MEGF10: variants seen among roughly 807,000 people sequenced by gnomAD.
MEGF10 encodes the protein multiple EGF like domains 10, also known as multiple epidermal growth factor-like domains protein 10.
In MEGF10, 86 loss-of-function variants were observed where a neutral mutation model predicts 147.5. That is an observed-to-expected ratio of 0.58 (90% CI 0.49 to 0.70). MEGF10 has a LOEUF of 0.70. Ranked by LOEUF, MEGF10 falls within the 30% of genes least tolerant of loss-of-function variation. The pLI is 0.00. For missense variants in MEGF10, 1,329 were observed against 1,487.3 expected (o/e 0.89, Z 1.75); for synonymous variants, 478 against 525.5 (o/e 0.91, Z 1.24).
At chr5:127,364,171 A>T (rs1361270840) in intron 4 of MEGF10, among the ~76,000 whole-genome samples, 2 of 152,214 alleles carry the variant, frequency 1.3e-5, no homozygotes, top group South Asian at 4.1e-4. Flanking sequence ...TGTACAATTC[A>T]ACCATTTTTA....
chr5:127,239,215 TC>T, the MEGF10 span, among the ~76,000 whole-genome samples: 1 of 151,914 alleles, frequency 6.6e-6, no homozygotes, highest in Admixed American at 6.6e-5. Flanking sequence ...ATTATTTGGA[TC>T]CTGGATCGGG....
chr5:127,271,154 G>T, the MEGF10 span, among the ~76,000 whole-genome samples: 1 of 152,114 alleles, frequency 6.6e-6, no homozygotes, highest in African/African-American at 2.4e-5. Flanking sequence ...TTCCACAATG[G>T]TTGAACTAAT....
At chr5:127,299,985 C>G (rs1254209431) in intron 1 of MEGF10, 2 of 152,086 alleles carry the variant, frequency 1.3e-5, no homozygotes, top group Admixed American at 1.3e-4. Context: ...GTCATTGTAC[C>G]TTGATTATAG....
At chr5:127,345,157 T>A (rs1047381067) in intron 4 of MEGF10, among the ~76,000 whole-genome samples, 2 of 152,226 alleles carry the variant, frequency 1.3e-5, no homozygotes, top group Non-Finnish European at 2.9e-5. Context: ...GGTCACTGAA[T>A]GGCTCTTCAT....
At position 127,438,586 on chromosome 5, in the gene MEGF10, G is replaced by T. The variant is rs1169438505; in HGVS notation, c.2233+19G>T. 6.2e-7 allele frequency: 1 copy of T among 1,612,668 alleles called. No homozygotes were observed. Among genetic ancestry groups the T allele is most frequent in the Non-Finnish European group, 8.5e-7 (1 of 1,179,284 alleles). On this transcript the variant is annotated intron_variant, in intron 17 of 24. Transcript: ENST00000503335. ...ACTCAGAGTAAGTGACAAGCCTTCT[G>T]AGGCTCACCAAGGGGAGCCTTGTCC...
At chr5:127,309,990 T>C (rs750496766) in intron 1 of MEGF10, among the ~76,000 whole-genome samples, 35 of 66,714 alleles carry the variant, frequency 5.2e-4, no homozygotes, top group African/African-American at 1.0e-3. Context: ...TCTTTCTTTC[T>C]TTCTTTCCTT....
At position 127,455,411 on chromosome 5, in the gene MEGF10, G is replaced by A; in HGVS notation, c.3036G>A (p.Lys1012=). The change falls in exon 24 of 25, where the codon AAG becomes AAA. Residue 1012 remains lysine (K), a synonymous_variant. Transcript: ENST00000503335. The part of the protein sequence containing the change: ...YMGKSLKDLG[K]NSEYNSSNCS... Reference sequence around the variant, plus strand: ...CATTTCTCTTCACAGACCTGGGAAAGAATTCTGAATATAATTCAAGTAACT... The same window carrying A: ...CATTTCTCTTCACAGACCTGGGAAAAAATTCTGAATATAATTCAAGTAACT... The A allele has an allele frequency of 6.2e-7, 1 of 1,613,928 alleles. No homozygotes were observed. Among genetic ancestry groups the A allele is most frequent in the Non-Finnish European group, 8.5e-7 (1 of 1,179,916 alleles).
At chr5:127,401,760 T>C (rs1193952277) in intron 7 of MEGF10, among the ~76,000 whole-genome samples, 1 of 152,212 alleles carries the variant, frequency 6.6e-6, no homozygotes, top group Non-Finnish European at 1.5e-5. Context: ...CATTGACTTA[T>C]TGGTACAGTA....
Position 127,417,697 on chromosome 5 carries a change from A to G in MEGF10, c.1190A>G (p.Asn397Ser). 6.2e-7 allele frequency: 1 copy of G among 1,614,154 alleles called. No homozygotes were observed. ...CKPGWSGLYC[N>S]ETCSPGFYGE... ...CCGGGCTGGTCAGGACTCTACTGTA[A>G]TGAGACATGTTCTCCTGGATTCTAC... The change falls in exon 10 of 25, where the codon AAT (asparagine) becomes AGT (serine). Residue 397 changes from asparagine to serine, a missense_variant. Coordinates refer to ENST00000503335, the MANE Select transcript of MEGF10 (RefSeq NM_001256545.2).
At position 127,443,522 on chromosome 5, in the gene MEGF10, T is replaced by C. The variant is rs552301971; in HGVS notation, c.2491+396T>C. 3.9e-5 allele frequency among the ~76,000 whole-genome samples: 6 copies of C among 152,332 alleles called. No individual in the cohort carries two copies. In the South Asian group the frequency reaches 1.2e-3, roughly 32 times the overall value. On this transcript the variant is annotated intron_variant, in intron 19 of 24. Coordinates refer to ENST00000503335, the MANE Select transcript of MEGF10 (RefSeq NM_001256545.2). ...TTTAATAAAATCTCGACTATCTATA[T>C]ACCTATGAAACCATCACCATAATAA...
At chr5:127,413,380 G>A (rs916579148) in intron 9 of MEGF10, among the ~76,000 whole-genome samples, 1 of 152,108 alleles carries the variant, frequency 6.6e-6, no homozygotes, top group Non-Finnish European at 1.5e-5. Context: ...TAATAGCCAT[G>A]GACAATCCGG....
intron 12 of MEGF10, 62 bp downstream of exon 12, chr5:127,420,269 C>G: frequency 6.4e-7 from 1 of 1,555,878 alleles, no homozygotes; most frequent in South Asian, 1.2e-5. Context: ...GTAAAGTTGG[C>G]TTCTTTTTGC....
intron 13 of MEGF10, among the ~76,000 whole-genome samples, chr5:127,423,519 A>AT (rs1428829683): frequency 1.3e-5 from 2 of 151,928 alleles, no homozygotes; most frequent in Non-Finnish European, 2.9e-5. Flanking sequence ...CGAGGGTTCC[A>AT]TTTTTTTCAT....
intron 20 of MEGF10, among the ~76,000 whole-genome samples, chr5:127,446,800 C>T (rs1765954807): frequency 6.6e-6 from 1 of 152,166 alleles, no homozygotes; most frequent in Non-Finnish European, 1.5e-5. Context: ...CAGCGGAACC[C>T]TGATCCTTTG....
the MEGF10 span, among the ~76,000 whole-genome samples, chr5:127,245,236 A>G: frequency 6.6e-6 from 1 of 152,226 alleles, no homozygotes; most frequent in Non-Finnish European, 1.5e-5. Flanking sequence ...CCAAAACAGC[A>G]TGCTACTGGT....
chr5:127,234,171 C>A, the MEGF10 span, among the ~76,000 whole-genome samples: 3 of 152,182 alleles, frequency 2.0e-5, no homozygotes, highest in Admixed American at 1.3e-4. Context: ...CTGGTGGTCA[C>A]AATACTGTGG....
At chr5:127,321,862 C>T (rs978858579) in intron 1 of MEGF10, among the ~76,000 whole-genome samples, 14 of 152,074 alleles carry the variant, frequency 9.2e-5, no homozygotes, top group Admixed American at 4.6e-4. Context: ...AAGGGAAAGA[C>T]TGAAGATTCT....
intron 8 of MEGF10, among the ~76,000 whole-genome samples, chr5:127,405,338 C>T (rs1024559907): frequency 6.6e-6 from 1 of 152,094 alleles, no homozygotes; most frequent in Non-Finnish European, 1.5e-5. Flanking sequence ...CTGCCTCCAA[C>T]TTAGACCCTG....
At chr5:127,406,515 C>G (rs76600678) in intron 8 of MEGF10, among the ~76,000 whole-genome samples, 2,804 of 152,280 alleles carry the variant, frequency 0.018, 56 homozygotes, top group South Asian at 0.078. Flanking sequence ...GGAGAAAGGC[C>G]TTGATAGGCT....
Sources: allele counts gnomAD v4.1 joint callset (sites outside exome capture counted in the v4.1 genomes callset), GRCh38; gene constraint gnomAD v4.1.1; transcripts MANE v1.5; gene names NCBI Gene and HGNC (gene_info 2026-07-23, HGNC 2026-07-21).